USP9X: variants seen among roughly 807,000 people sequenced by gnomAD.
The protein encoded by USP9X is ubiquitin specific peptidase 9 X-linked.
USP9X carries 7 observed loss-of-function variants against 190.3 expected under a neutral mutation model. That is an observed-to-expected ratio of 0.04 (90% CI 0.02 to 0.07). The LOEUF is 0.07. Among genes scored for constraint, USP9X ranks in the 10% least tolerant of loss-of-function variants. The pLI, the probability that USP9X is intolerant of heterozygous loss-of-function variation, is 1.00. For missense variants in USP9X, 1,010 were observed against 1,916.9 expected (o/e 0.53, Z 8.83); for synonymous variants, 645 against 659.5 (o/e 0.98, Z 0.34).
intron 1 of USP9X, among the ~76,000 whole-genome samples, chrX:41,102,174 AAACTT>A (rs1206307069): frequency 3.3e-4 from 37 of 112,284 alleles, no homozygotes; most frequent in African/African-American, 1.0e-3. Flanking sequence ...TTATTTTAAA[AAACTT>A]AAATATAATT....
Position 41,233,490 on chromosome X carries a change from T to C in USP9X, c.*966T>C, listed in dbSNP as rs1289883455. 1 of 112,309 alleles carries C rather than the reference T, an allele frequency of 8.9e-6. No homozygotes were observed. The highest frequency in any genetic ancestry group is 1.9e-5 in the Non-Finnish European group (1 of 53,248). The allele number at this position is 112,309 out of a possible 1,213,427, so 9.3% of individuals were successfully genotyped here. A position where few individuals can be genotyped will look rare whatever the true frequency, so the allele number is the denominator to read the frequency against. On this transcript the variant is annotated 3_prime_UTR_variant, in exon 45 of 45. Coordinates refer to ENST00000378308, the MANE Select transcript of USP9X (RefSeq NM_001039591.3). ...GATGCTGGAGCATAATATAAGACTG[T>C]ATTTGGTGTGCTTGTTTTGTTTCTT...
intron 25 of USP9X, among the ~76,000 whole-genome samples, chrX:41,188,707 C>T (rs1227643554): frequency 8.9e-6 from 1 of 111,783 alleles, no homozygotes; most frequent in African/African-American, 3.3e-5. Context: ...CCCTGATTTG[C>T]CCAGGATATA....
chrX:41,186,598 C>G lies in USP9X; in HGVS notation c.3640C>G (p.Leu1214Val). 3 of 1,211,208 alleles carry G rather than the reference C, an allele frequency of 2.5e-6. No homozygotes were observed. Among genetic ancestry groups the G allele is most frequent in the Non-Finnish European group, 3.4e-6 (3 of 895,109 alleles). The stretch of plus-strand genomic sequence containing the variant: ...TCCTAATCCATCATCCGAGTGCATG[C>G]TTAGAAATGTGTCAGTTCGTCTTGC... ...SIPNPSSECM[L>V]RNVSVRLAQQ... is the part of the protein sequence containing the mutation. Residue 1214 changes from leucine to valine, a missense_variant, in exon 24 of 45, where the codon CTT (leucine) becomes GTT (valine). Physicochemically the swap from Leu to Val is conservative, Grantham distance 32. Around this residue, in one of 11 missense-constraint regions of USP9X, gnomAD observed 351 missense variants for 480.8 expected, o/e 0.73. Coordinates refer to ENST00000378308, the MANE Select transcript of USP9X (RefSeq NM_001039591.3).
intron 21 of USP9X, among the ~76,000 whole-genome samples, chrX:41,179,439 G>T (rs1244257227): frequency 9.0e-6 from 1 of 111,111 alleles, no homozygotes; most frequent in Non-Finnish European, 1.9e-5. Flanking sequence ...TCTTTCATCA[G>T]TTTTTTTTGT....
At chrX:41,107,726 C>T (rs182880491) in intron 1 of USP9X, among the ~76,000 whole-genome samples, 9 of 111,603 alleles carry the variant, frequency 8.1e-5, no homozygotes, top group African/African-American at 2.6e-4. Flanking sequence ...CTCTGTTATT[C>T]AGATTGCTTA....
intron 1 of USP9X, among the ~76,000 whole-genome samples, chrX:41,105,362 A>G (rs2062061927): frequency 8.9e-6 from 1 of 111,837 alleles, no homozygotes; most frequent in Non-Finnish European, 1.9e-5. Flanking sequence ...TACTTTGTGA[A>G]TTTGACGACT....
chrX:41,182,937 G>GT (rs11324762), intron 21 of USP9X, among the ~76,000 whole-genome samples: 167 of 95,617 alleles, frequency 1.7e-3, no homozygotes, highest in South Asian at 0.012. Flanking sequence ...GAAAATCATA[G>GT]TTTTTTTTTT....
At chrX:41,107,965 A>G (rs1439017773) in intron 1 of USP9X, among the ~76,000 whole-genome samples, 2 of 112,297 alleles carry the variant, frequency 1.8e-5, no homozygotes, top group Non-Finnish European at 1.9e-5. Flanking sequence ...GTCTCTGCTA[A>G]GTCTGGACCT....
rs1156545933 is a variant in USP9X, at chrX:41,170,137, G to A, written c.2779G>A (p.Val927Ile). 4 of 1,210,007 alleles carry A rather than the reference G, an allele frequency of 3.3e-6. No homozygotes were observed. The highest frequency in any genetic ancestry group is 1.8e-5 in the South Asian group (1 of 56,856). ...RCILNRIKAN[V>I]AHTKIELFVG... ...TATTCTCAATCGTATTAAAGCCAAC[G>A]TAGCCCATACAAAAATTGAGCTCTT... Residue 927 changes from valine (V) to isoleucine (I), a missense_variant, in exon 19 of 45, where the codon GTA becomes ATA. Physicochemically the swap from Val to Ile is conservative, Grantham distance 29 (BLOSUM62 3). Around this residue, in one of 11 missense-constraint regions of USP9X, gnomAD observed 351 missense variants for 480.8 expected, o/e 0.73. Transcript: ENST00000378308.
intron 1 of USP9X, among the ~76,000 whole-genome samples, chrX:41,110,603 T>C (rs1022219518): frequency 2.7e-5 from 3 of 111,754 alleles, no homozygotes; most frequent in Non-Finnish European, 5.6e-5. Context: ...GGGCTGATAA[T>C]AGGGTTGTTC....
intron 3 of USP9X, among the ~76,000 whole-genome samples, chrX:41,130,914 C>T (rs186702135): frequency 5.2e-4 from 57 of 109,447 alleles, no homozygotes; most frequent in Admixed American, 4.7e-3. Context: ...TTAGTAGAGA[C>T]GTCATTTCAC....
chrX:41,142,561 G>A (rs1236659925), intron 9 of USP9X, among the ~76,000 whole-genome samples: 1 of 111,924 alleles, frequency 8.9e-6, no homozygotes, highest in Non-Finnish European at 1.9e-5. Context: ...CTCATTATCA[G>A]CTGAGACATG....
rs769604616 is a variant in USP9X, at chrX:41,127,461, T to C, written c.97-1539T>C. 3.6e-5 allele frequency among the ~76,000 whole-genome samples: 4 copies of C among 112,377 alleles called. No homozygotes were observed. The Admixed American group carries it at 3.8e-4, about 11-fold the overall frequency. On this transcript the variant is annotated intron_variant, in intron 2 of 44. Coordinates refer to ENST00000378308, the MANE Select transcript of USP9X (RefSeq NM_001039591.3). ...GGAATTACAGGTGTTTTAAATTTTATTTTTTATATTTTCTATGAGCATGTG... is the reference window on the plus strand; with the variant it reads ...GGAATTACAGGTGTTTTAAATTTTACTTTTTATATTTTCTATGAGCATGTG...
chrX:41,162,056 G>A (rs2062638343), intron 14 of USP9X, among the ~76,000 whole-genome samples: 2 of 111,492 alleles, frequency 1.8e-5, no homozygotes, highest in Non-Finnish European at 3.8e-5. Flanking sequence ...CTTTACCAAA[G>A]CATCAAAACC....
At chrX:41,122,495 G>A (rs1390631291) in intron 1 of USP9X, among the ~76,000 whole-genome samples, 2 of 111,755 alleles carry the variant, frequency 1.8e-5, no homozygotes, top group Admixed American at 1.9e-4. Flanking sequence ...GTGTGACAGG[G>A]GTGTGGCTCA....
At chrX:41,150,164 CAAAA>C (rs911926332) in intron 12 of USP9X, among the ~76,000 whole-genome samples, 1 of 105,264 alleles carries the variant, frequency 9.5e-6, no homozygotes, top group Non-Finnish European at 2.0e-5. Flanking sequence ...AAAAAAAAAA[CAAAA>C]AACTCCACAA....
chrX:41,144,486 C>T, intron 10 of USP9X, 36 bp from the exon 11 acceptor site: 2 of 1,082,170 alleles, frequency 1.8e-6, no homozygotes, highest in South Asian at 3.7e-5. Flanking sequence ...TACTCAGATT[C>T]TTGTGCATTG....
intron 11 of USP9X, among the ~76,000 whole-genome samples, chrX:41,148,025 C>T (rs1472831312): frequency 2.7e-5 from 3 of 111,269 alleles, no homozygotes; most frequent in African/African-American, 6.5e-5. Flanking sequence ...TTAGCAGCAT[C>T]CCTGGTCTCT....
At chrX:41,106,929 C>G (rs1265750559) in intron 1 of USP9X, among the ~76,000 whole-genome samples, 1 of 102,520 alleles carries the variant, frequency 9.8e-6, no homozygotes, top group Non-Finnish European at 2.0e-5. Flanking sequence ...TTCTGTTGCC[C>G]AGGCTGGAGT....
Sources: allele counts gnomAD v4.1 joint callset (sites outside exome capture counted in the v4.1 genomes callset), GRCh38; gene constraint gnomAD v4.1.1; regional missense constraint gnomAD v4.1.1; transcripts MANE v1.5; gene names NCBI Gene and HGNC (gene_info 2026-07-23, HGNC 2026-07-21).